Variants in FRY observed in about 807,000 individuals in gnomAD.
FRY encodes protein furry homolog.
A neutral mutation model predicts 348.4 loss-of-function variants in FRY; 128 were observed. That is an observed-to-expected ratio of 0.37 (90% confidence interval 0.32 to 0.43). FRY has a LOEUF of 0.43. FRY is among the 20% of genes least tolerant of loss of function. FRY has a pLI of 1.00. For synonymous variants in FRY, 1,370 were observed against 1,374.7 expected (o/e 1.00, Z 0.08); for missense variants, 2,736 against 3,695.2 (o/e 0.74, Z 6.73).
At chr13:32,223,101 C>T (rs571702776) in intron 36 of FRY, among the ~76,000 whole-genome samples, 70 of 152,144 alleles carry the variant, frequency 4.6e-4, no homozygotes, top group African/African-American at 1.5e-3. Context: ...TTATTACAGG[C>T]GTGTACCACC....
chr13:32,176,725 A>G (rs1336584513), intron 20 of FRY, among the ~76,000 whole-genome samples: 1 of 152,236 alleles, frequency 6.6e-6, no homozygotes, highest in Admixed American at 6.5e-5. Context: ...ACCAAAATCA[A>G]AATCTTAACC....
intron 4 of FRY, among the ~76,000 whole-genome samples, chr13:32,120,520 G>A (rs1426973468): frequency 6.6e-6 from 1 of 151,676 alleles, no homozygotes; most frequent in Non-Finnish European, 1.5e-5. Context: ...TTGATTACAT[G>A]AGTAGGTTCT....
chr13:32,073,546 T>G (rs981523407), intron 1 of FRY, among the ~76,000 whole-genome samples: 4 of 148,256 alleles, frequency 2.7e-5, no homozygotes, highest in Admixed American at 1.3e-4. Flanking sequence ...TGTGGGCGGG[T>G]GTGTGTGTGT....
intron 1 of FRY, among the ~76,000 whole-genome samples, chr13:32,047,218 T>C (rs1367089958): frequency 1.3e-5 from 2 of 152,272 alleles, no homozygotes; most frequent in Admixed American, 6.5e-5. Context: ...GCCATTGTTA[T>C]TAGTAATTTG....
intron 14 of FRY, 70 bp from the exon 15 acceptor site, chr13:32,155,421 A>C: frequency 8.9e-7 from 1 of 1,118,248 alleles, no homozygotes; most frequent in Non-Finnish European, 1.4e-6. Flanking sequence ...ACTATCTGAA[A>C]GACTTATGGA....
At chr13:32,087,778 C>T (rs896116524) in intron 2 of FRY, among the ~76,000 whole-genome samples, 1 of 152,120 alleles carries the variant, frequency 6.6e-6, no homozygotes, top group Non-Finnish European at 1.5e-5. Flanking sequence ...AATATCAGAT[C>T]CTTTCATCCG....
intron 4 of FRY, among the ~76,000 whole-genome samples, chr13:32,119,576 T>C (rs1310409439): frequency 6.6e-6 from 1 of 152,214 alleles, no homozygotes; most frequent in Non-Finnish European, 1.5e-5. Flanking sequence ...ACCCTTAGCA[T>C]CCAGCACAAA....
intron 59 of FRY, chr13:32,291,982 T>G (rs76545201): frequency 2.2e-6 from 1 of 452,278 alleles, no homozygotes; most frequent in East Asian, 7.0e-5. Context: ...TTGTTGTTGT[T>G]GTTTGTTTAT....
rs1257874867 is a variant in FRY at position 32,239,969 on chromosome 13, C to G, written c.6687+88C>G. On this transcript the variant is annotated intron_variant, in intron 46 of 60. Transcript: ENST00000542859. The surrounding 1 kb of genome is among the most constrained non-coding windows in gnomAD (Gnocchi z 4.3). ...CTCTTGGGCTCAAGCAGTCCTCCTGCCTTCGCCTCCCAGAGTGCTAGGATT... is the reference window on the plus strand; with the variant it reads ...CTCTTGGGCTCAAGCAGTCCTCCTGGCTTCGCCTCCCAGAGTGCTAGGATT... 2 of 1,105,832 alleles carry G rather than the reference C, an allele frequency of 1.8e-6. No homozygotes were observed. The highest frequency in any genetic ancestry group is 5.0e-5 in the East Asian group (2 of 40,276). The allele number at this position is 1,105,832 out of a possible 1,614,324, so 68.5% of individuals were successfully genotyped here. A position where few individuals can be genotyped will look rare whatever the true frequency, so the allele number is the denominator to read the frequency against.
At chr13:32,218,111 T>C (rs780630700) in intron 35 of FRY, among the ~76,000 whole-genome samples, 3 of 152,250 alleles carry the variant, frequency 2.0e-5, no homozygotes, top group Admixed American at 6.5e-5. Flanking sequence ...CTACTGTGTG[T>C]CAGGCTATGT....
chr13:32,224,350 C>G lies in FRY; in HGVS notation c.4881C>G (p.Leu1627=), dbSNP rs267603801. 3 of 1,613,918 alleles carry G rather than the reference C, an allele frequency of 1.9e-6. No individual in the cohort carries two copies. Among genetic ancestry groups the G allele is most frequent in the East Asian group, 2.2e-5 (1 of 44,880 alleles). Residue 1627 remains leucine (L), a synonymous_variant, in exon 37 of 61, where the codon CTC becomes CTG. Coordinates refer to ENST00000542859, the MANE Select transcript of FRY (RefSeq NM_023037.3). ...GCTGGGCCCCCCTGGTTGACTATCT[C>G]CCGGAGACCATCACTCCCCGGGGGC... ...GGCWAPLVDY[L]PETITPRGPL...
At chr13:32,158,410 C>T (rs9533698) in intron 16 of FRY, among the ~76,000 whole-genome samples, 17,922 of 152,056 alleles carry the variant, frequency 0.12, 1,198 homozygotes, top group East Asian at 0.26. Flanking sequence ...ACCAATTACT[C>T]GATTTAAATA....
Position 32,289,626 on chromosome 13 carries a change from T to G in FRY, c.8470-7T>G. ...ACTGTTTCTTCCCATGCAATTTCTCTCTTTAGCAATTGGAACTGTGTCAGA... is the reference window on the plus strand; with the variant it reads ...ACTGTTTCTTCCCATGCAATTTCTCGCTTTAGCAATTGGAACTGTGTCAGA... On this transcript the variant is annotated splice_region_variant and splice_polypyrimidine_tract_variant and intron_variant, in intron 58 of 60. Transcript: ENST00000542859. 6.7e-7 allele frequency: 1 copy of G among 1,502,668 alleles called. No homozygotes were observed. The highest frequency in any genetic ancestry group is 9.3e-7 in the Non-Finnish European group (1 of 1,078,194). The allele number at this position is 1,502,668 out of a possible 1,614,324, so 93.1% of individuals were successfully genotyped here. A position where few individuals can be genotyped will look rare whatever the true frequency, so the allele number is the denominator to read the frequency against.
intron 1 of FRY, among the ~76,000 whole-genome samples, chr13:32,076,806 T>C (rs1327015286): frequency 6.6e-6 from 1 of 152,192 alleles, no homozygotes; most frequent in Non-Finnish European, 1.5e-5. Context: ...TTAGGAGATA[T>C]AGCTAGAAGA....
intron 21 of FRY, 78 bp from the exon 22 acceptor site, chr13:32,178,766 C>T (rs997040787): frequency 6.1e-6 from 6 of 990,034 alleles, no homozygotes; most frequent in Admixed American, 3.4e-5. Context: ...TTGAGTACTT[C>T]CTATGATCTT....
intron 3 of FRY, among the ~76,000 whole-genome samples, chr13:32,103,516 G>A (rs1055714823): frequency 6.6e-6 from 1 of 152,182 alleles, no homozygotes; most frequent in Admixed American, 6.5e-5. Flanking sequence ...TCGGGTGGAG[G>A]GAAGCGGGAG....
intron 41 of FRY, among the ~76,000 whole-genome samples, chr13:32,231,571 A>G (rs1033311053): frequency 1.3e-5 from 2 of 152,234 alleles, no homozygotes; most frequent in Non-Finnish European, 2.9e-5. Flanking sequence ...AACTGTGCCT[A>G]TAACATTTTC....
intron 29 of FRY, among the ~76,000 whole-genome samples, chr13:32,200,995 A>G (rs1883988102): frequency 6.6e-6 from 1 of 152,102 alleles, no homozygotes; most frequent in Admixed American, 6.6e-5. Flanking sequence ...TGATTCTTCA[A>G]AAGTGAATGC....
chr13:32,203,465 CCCG>C (rs1292830321), intron 31 of FRY, among the ~76,000 whole-genome samples: 1 of 152,118 alleles, frequency 6.6e-6, no homozygotes, highest in Admixed American at 6.6e-5. Context: ...GTGGCTCACA[CCCG>C]TAATCCCAAC....
Sources: gnomAD v4.1 joint callset for allele counts (sites outside exome capture counted in the v4.1 genomes callset) on GRCh38, gnomAD v4.1.1 for gene constraint, Gnocchi (gnomAD v3.1) non-coding constraint, MANE v1.5 for transcripts, NCBI Gene and HGNC (gene_info 2026-07-23, HGNC 2026-07-21) for gene names.